The following WWP2 variants were observed in gnomAD, a reference collection of about 807,000 sequenced individuals.
WWP2 encodes the protein NEDD4-like E3 ubiquitin-protein ligase WWP2.
WWP2 carries 57 observed loss-of-function variants against 121.0 expected under a neutral mutation model. The ratio of observed to expected loss-of-function variants is 0.47; its 90% CI spans 0.38 to 0.59. The LOEUF (loss-of-function observed/expected upper bound fraction) is 0.59. WWP2 is among the 20% of genes least tolerant of loss of function. The pLI is 0.00. For missense variants in WWP2, 962 were observed against 1,158.9 expected (o/e 0.83, Z 2.47); for synonymous variants, 449 against 441.3 (o/e 1.02, Z -0.22).
intron 4 of WWP2, among the ~76,000 whole-genome samples, chr16:69,813,850 C>T (rs2151834847): frequency 6.6e-6 from 1 of 152,302 alleles, no homozygotes; most frequent in East Asian, 1.9e-4. Flanking sequence ...TATCTTTTCA[C>T]ATGTCCCCAT....
In WWP2 at chr16:69,935,831, T is replaced by G; in HGVS notation, c.1843-22T>G. 2.5e-6 allele frequency: 4 copies of G among 1,604,656 alleles called. No homozygotes were observed. The highest frequency in any genetic ancestry group is 3.4e-6 in the Non-Finnish European group (4 of 1,175,574). ...GTGCCCAGGGAAGGCCAAACCTCTG[T>G]GCTGTGCCTCTTCCTTCCCAGGCGC... On this transcript the variant is annotated intron_variant, in intron 17 of 23. Coordinates refer to ENST00000359154, the MANE Select transcript of WWP2 (RefSeq NM_001270454.2). This position sits in a 1 kb window ranked among gnomAD's most constrained non-coding sequence, Gnocchi z 5.2.
Position 69,937,584 on chromosome 16 carries a change from G to C in WWP2, c.2275G>C (p.Asp759His). 1 of 1,613,906 alleles carries C rather than the reference G, an allele frequency of 6.2e-7. No individual in the cohort carries two copies. The highest frequency in any genetic ancestry group is 8.5e-7 in the Non-Finnish European group (1 of 1,180,008). The change falls in exon 21 of 24, where the codon GAC becomes CAC. Residue 759 changes from aspartate to histidine, a missense_variant. Around this residue, in one of 3 missense-constraint regions of WWP2, gnomAD observed 606 missense variants for 772.6 expected, o/e 0.78. Coordinates refer to ENST00000359154, the MANE Select transcript of WWP2 (RefSeq NM_001270454.2). This position sits in a 1 kb window ranked among gnomAD's most constrained non-coding sequence, Gnocchi z 6.6. ...CGGCATGCAGGAGATAGACATGAGCGACTGGCAGAAGAGCACCATCTACCG... is the reference window on the plus strand; with the variant it reads ...CGGCATGCAGGAGATAGACATGAGCCACTGGCAGAAGAGCACCATCTACCG... ...LCGMQEIDMS[D>H]WQKSTIYRHY...
chr16:69,811,188 G>T, intron 4 of WWP2, among the ~76,000 whole-genome samples: 1 of 152,042 alleles, frequency 6.6e-6, no homozygotes, highest in Non-Finnish European at 1.5e-5. Flanking sequence ...ATTTCCTCTT[G>T]TAGCTCCCCA....
intron 1 of WWP2, among the ~76,000 whole-genome samples, chr16:69,776,828 C>T (rs1244948616): frequency 6.8e-6 from 1 of 146,616 alleles, no homozygotes; most frequent in South Asian, 2.1e-4. Flanking sequence ...AATTCCATCT[C>T]GAAAAAAAAA....
chr16:69,809,810 T>TAGGA (rs1016678670), intron 4 of WWP2, among the ~76,000 whole-genome samples: 5 of 127,988 alleles, frequency 3.9e-5, no homozygotes, highest in Non-Finnish European at 8.4e-5. Flanking sequence ...GAGAGAGAGA[T>TAGGA]AGGAAGGAAG....
Position 69,798,826 on chromosome 16 carries a change from T to A in WWP2, c.215T>A (p.Ile72Asn), listed in dbSNP as rs779096737. The A allele has an allele frequency of 4.3e-6, 7 of 1,613,722 alleles. No homozygotes were observed. Among genetic ancestry groups the A allele is most frequent in the Non-Finnish European group, 5.9e-6 (7 of 1,179,832 alleles). ...SSELLWNEII[I>N]LNVTAQSHLD... ...GAGCTTCTCTGGAATGAGATCATCA[T>A]TTTGTAAGAGAAAGCCCCTTCTTTT... Residue 72 changes from isoleucine (I) to asparagine (N), a missense_variant, in exon 3 of 24, where the codon ATT becomes AAT. Coordinates refer to ENST00000359154, the MANE Select transcript of WWP2 (RefSeq NM_001270454.2).
chr16:69,862,948 C>T (rs79472988), intron 6 of WWP2, among the ~76,000 whole-genome samples: 6,218 of 151,926 alleles, frequency 0.041, 157 homozygotes, highest in South Asian at 0.083. Flanking sequence ...GCTGGGTTTG[C>T]ACTCTTGGGC....
chr16:69,896,799 C>T (rs7189022), intron 8 of WWP2, among the ~76,000 whole-genome samples: 5,610 of 151,696 alleles, frequency 0.037, 291 homozygotes, highest in African/African-American at 0.12. Flanking sequence ...CTGGGGACTG[C>T]CCAGTTTCCT....
intron 9 of WWP2, 49 bp downstream of exon 9, chr16:69,908,899 G>A: frequency 6.2e-7 from 1 of 1,613,342 alleles, no homozygotes; most frequent in Non-Finnish European, 8.5e-7. Flanking sequence ...GACACCATGA[G>A]TCACCCAATG....
chr16:69,871,043 TG>T (rs2057626132), intron 6 of WWP2, among the ~76,000 whole-genome samples: 1 of 152,172 alleles, frequency 6.6e-6, no homozygotes, highest in African/African-American at 2.4e-5. Flanking sequence ...CCCAGCACTT[TG>T]GGAGGCTGAG....
chr16:69,840,192 A>G lies in WWP2; in HGVS notation c.407A>G (p.Glu136Gly). The change falls in exon 5 of 24, where the codon GAG (glutamate) becomes GGG (glycine). Residue 136 changes from glutamate to glycine, a missense_variant. Glu to Gly is a moderately conservative substitution (Grantham distance 98). Around this residue, in one of 3 missense-constraint regions of WWP2, gnomAD observed 145 missense variants for 189.8 expected, o/e 0.76. Coordinates refer to ENST00000359154, the MANE Select transcript of WWP2 (RefSeq NM_001270454.2). The part of the protein sequence containing the change: ...ENKGSVVSGG[E>G]LTIFLDGPTV... ...AAAGGCAGCGTTGTCTCAGGCGGAG[A>G]GCTGACAATTTTCCTGGACGGGCCA... 1 of 1,614,220 alleles carries G rather than the reference A, an allele frequency of 6.2e-7. No homozygotes were observed. The highest frequency in any genetic ancestry group is 2.2e-5 in the East Asian group (1 of 44,890).
At position 69,940,619 on chromosome 16, in the gene WWP2, A is replaced by G. The variant is rs949392197; in HGVS notation, c.*679A>G. On this transcript the variant is annotated 3_prime_UTR_variant, in exon 24 of 24. Coordinates refer to ENST00000359154, the MANE Select transcript of WWP2 (RefSeq NM_001270454.2). The stretch of plus-strand genomic sequence containing the variant: ...AAACTCCCTCAGACTTTGTCCATGT[A>G]TAAACTTGAAGTGGTTGTGTTGTAG... 1 of 152,322 alleles carries G rather than the reference A, an allele frequency of 6.6e-6. No individual in the cohort carries two copies. The highest frequency in any genetic ancestry group is 1.5e-5 in the Non-Finnish European group (1 of 68,098). 9.4% of individuals were successfully genotyped at this position (152,322 alleles called of 1,614,324 possible). A position where few individuals can be genotyped will look rare whatever the true frequency, so the allele number is the denominator to read the frequency against.
At chr16:69,777,289 G>T (rs1298299569) in intron 1 of WWP2, among the ~76,000 whole-genome samples, 2 of 151,676 alleles carry the variant, frequency 1.3e-5, no homozygotes, top group African/African-American at 2.4e-5. Flanking sequence ...TCCTTTGTGT[G>T]TGATATACTT....
chr16:69,882,881 G>A (rs769785380), intron 7 of WWP2, among the ~76,000 whole-genome samples: 5 of 152,080 alleles, frequency 3.3e-5, no homozygotes, highest in Admixed American at 1.3e-4. Flanking sequence ...GACCGGGTGC[G>A]GTGGCTCATG....
chr16:69,925,095 T>C lies in WWP2; in HGVS notation c.1180-335T>C. ...GCGGAGGCACTGGGCCGAGCCTGCT[T>C]CCCGGGCCTTCCTACCATGCCAGGG... is the stretch of plus-strand genomic sequence containing the variant. On this transcript the variant is annotated intron_variant, in intron 10 of 23. Transcript: ENST00000359154. The surrounding 1 kb of genome is among the most constrained non-coding windows in gnomAD (Gnocchi z 4.0). 4 of 1,070,968 alleles carry C rather than the reference T, an allele frequency of 3.7e-6. No individual in the cohort carries two copies. The highest frequency in any genetic ancestry group is 4.5e-6 in the Non-Finnish European group (4 of 885,036). 66.3% of individuals were successfully genotyped at this position (1,070,968 alleles called of 1,614,324 possible).
chr16:69,816,760 TATACAC>T (rs1358297154), intron 4 of WWP2, among the ~76,000 whole-genome samples: 3 of 152,046 alleles, frequency 2.0e-5, no homozygotes, highest in Non-Finnish European at 4.4e-5. Flanking sequence ...CACGTATACA[TATACAC>T]ATACACACAT....
intron 6 of WWP2, among the ~76,000 whole-genome samples, chr16:69,870,599 C>A (rs2057616740): frequency 6.6e-6 from 1 of 152,206 alleles, no homozygotes; most frequent in South Asian, 2.1e-4. Flanking sequence ...CTGTGCCCAG[C>A]CACCTTTATT....
intron 4 of WWP2, among the ~76,000 whole-genome samples, chr16:69,802,773 T>C (rs2056197272): frequency 6.6e-6 from 1 of 151,980 alleles, no homozygotes; most frequent in Non-Finnish European, 1.5e-5. Flanking sequence ...CCAGCTAATT[T>C]TTTTATTTTT....
intron 1 of WWP2, among the ~76,000 whole-genome samples, chr16:69,782,005 G>C (rs187679675): frequency 1.3e-5 from 2 of 152,074 alleles, no homozygotes; most frequent in African/African-American, 4.8e-5. Context: ...TTTCGGAGCC[G>C]GGCGAGGTGG....
Sources: gnomAD v4.1 joint callset for allele counts (sites outside exome capture counted in the v4.1 genomes callset) on GRCh38, gnomAD v4.1.1 for gene constraint, gnomAD v4.1.1 regional missense constraint, Gnocchi (gnomAD v3.1) non-coding constraint, MANE v1.5 for transcripts, NCBI Gene and HGNC (gene_info 2026-07-23, HGNC 2026-07-21) for gene names.